PTPRM: variants seen among roughly 807,000 people sequenced by gnomAD.
PTPRM encodes receptor-type tyrosine-protein phosphatase mu.
PTPRM carries 47 observed loss-of-function variants against 186.7 expected under a neutral mutation model. The ratio of observed to expected loss-of-function variants is 0.25; its 90% confidence interval spans 0.20 to 0.32. The LOEUF is 0.32. PTPRM is among the 10% of genes least tolerant of loss of function. PTPRM has a pLI of 1.00. For missense variants in PTPRM, 1,494 were observed against 1,865.0 expected (o/e 0.80, Z 3.66); for synonymous variants, 668 against 674.9 (o/e 0.99, Z 0.16).
intron 1 of PTPRM, among the ~76,000 whole-genome samples, chr18:7,695,715 G>A (rs2144673909): frequency 6.6e-6 from 1 of 152,302 alleles, no homozygotes; most frequent in South Asian, 2.1e-4. Context: ...GAGTTAGCAG[G>A]AAGAGTGGCA....
intron 1 of PTPRM, among the ~76,000 whole-genome samples, chr18:7,632,300 T>A (rs2038210643): frequency 6.6e-6 from 1 of 152,196 alleles, no homozygotes; most frequent in East Asian, 1.9e-4. Context: ...TGTAAAGAAA[T>A]GATGTTATAT....
intron 2 of PTPRM, among the ~76,000 whole-genome samples, chr18:7,846,603 T>G (rs889660025): frequency 7.2e-5 from 11 of 152,216 alleles, no homozygotes; most frequent in Admixed American, 5.2e-4. Flanking sequence ...GGATTGTTAT[T>G]GGTTTGTGTT....
chr18:8,047,869 G>A (rs2087174735), intron 7 of PTPRM, among the ~76,000 whole-genome samples: 1 of 152,152 alleles, frequency 6.6e-6, no homozygotes, highest in Admixed American at 6.5e-5. Context: ...TGAGACCAAA[G>A]TTAATTTGGA....
intron 7 of PTPRM, among the ~76,000 whole-genome samples, chr18:7,984,604 C>T (rs374711228): frequency 0.029 from 2,473 of 86,764 alleles, 49 homozygotes; most frequent in African/African-American, 0.093. Context: ...TATATATATA[C>T]ACACACACAC....
intron 19 of PTPRM, among the ~76,000 whole-genome samples, chr18:8,295,909 A>C (rs2095091954): frequency 6.6e-6 from 1 of 152,238 alleles, no homozygotes; most frequent in Non-Finnish European, 1.5e-5. Context: ...GAAGTCATAA[A>C]GTCTCAGCTT....
At chr18:8,257,679 A>G (rs2094587054) in intron 19 of PTPRM, among the ~76,000 whole-genome samples, 1 of 152,200 alleles carries the variant, frequency 6.6e-6, no homozygotes, top group Non-Finnish European at 1.5e-5. Context: ...AATCTAAAGA[A>G]TGGCTCTGGT....
intron 14 of PTPRM, among the ~76,000 whole-genome samples, chr18:8,215,215 A>G (rs1337564402): frequency 1.3e-5 from 2 of 152,174 alleles, no homozygotes; most frequent in East Asian, 3.9e-4. Context: ...TCCACATAAT[A>G]CAATAAAGGT....
At chr18:7,647,939 G>A (rs942511142) in intron 1 of PTPRM, among the ~76,000 whole-genome samples, 2 of 152,114 alleles carry the variant, frequency 1.3e-5, no homozygotes, top group South Asian at 2.1e-4. Context: ...GGCTTACCTC[G>A]TTTTATTGTG....
intron 13 of PTPRM, among the ~76,000 whole-genome samples, chr18:8,122,613 G>A (rs748086528): frequency 2.0e-5 from 3 of 152,176 alleles, no homozygotes; most frequent in Non-Finnish European, 2.9e-5. Flanking sequence ...ACTTGAAATA[G>A]CAATAACATC....
chr18:8,122,899 T>A (rs1390132090), intron 13 of PTPRM, among the ~76,000 whole-genome samples: 1 of 152,178 alleles, frequency 6.6e-6, no homozygotes, highest in Non-Finnish European at 1.5e-5. Context: ...CAAAGCATAG[T>A]GTTTATATAA....
chr18:8,376,025 C>G, intron 24 of PTPRM, 21 bp from the exon 25 acceptor site: 1 of 1,594,928 alleles, frequency 6.3e-7, no homozygotes, highest in Non-Finnish European at 8.6e-7. Context: ...CTTCCTTGTT[C>G]TGGCTAACCA....
At chr18:8,197,252 G>A (rs1196267461) in intron 14 of PTPRM, among the ~76,000 whole-genome samples, 2 of 152,160 alleles carry the variant, frequency 1.3e-5, no homozygotes. Flanking sequence ...TTTAGGTAAG[G>A]ATGTTGCTAT....
rs534178363 is a variant in PTPRM, at chr18:7,958,207, CAA to C, written c.1132+2811_1132+2812del. Among the ~76,000 whole-genome samples, 68 of 115,248 alleles carry C rather than the reference CAA, an allele frequency of 5.9e-4. 2 individuals carry two copies. Among genetic ancestry groups the C allele is most frequent in the African/African-American group, 1.6e-3 (47 of 30,036 alleles). 75.6% of individuals were successfully genotyped at this position (115,248 alleles called of 152,430 possible). A position where few individuals can be genotyped will look rare whatever the true frequency, so the allele number is the denominator to read the frequency against. ...GATGTTAGTGCCTCACCATCCCCTGCAAAAAAAAAAAAAAAAAAATCCTAAAA... is the reference window on the plus strand; with the variant it reads ...GATGTTAGTGCCTCACCATCCCCTGCAAAAAAAAAAAAAAAAATCCTAAAA... On this transcript the variant is annotated intron_variant, in intron 7 of 32. Transcript: ENST00000580170.
chr18:7,892,819 T>C (rs1194667838), intron 3 of PTPRM, among the ~76,000 whole-genome samples: 1 of 152,176 alleles, frequency 6.6e-6, no homozygotes, highest in Non-Finnish European at 1.5e-5. Context: ...CTTCTTTCTG[T>C]GTCCTCACAC....
intron 1 of PTPRM, among the ~76,000 whole-genome samples, chr18:7,620,036 C>T (rs1399349149): frequency 6.6e-5 from 10 of 152,162 alleles, no homozygotes; most frequent in Non-Finnish European, 1.5e-4. Flanking sequence ...GTTACTGCAG[C>T]ATGACTTAGC....
chr18:8,086,020 T>A, intron 10 of PTPRM, 148 bp downstream of exon 10: 1 of 728,096 alleles, frequency 1.4e-6, no homozygotes, highest in Non-Finnish European at 2.3e-6. Context: ...CTCACAGCTT[T>A]AAATGAAGTA....
chr18:7,880,256 A>G (rs1228931483), intron 2 of PTPRM, among the ~76,000 whole-genome samples: 1 of 152,186 alleles, frequency 6.6e-6, no homozygotes, highest in Non-Finnish European at 1.5e-5. Flanking sequence ...AGAGAGTTTT[A>G]CTTCAGCTTC....
At chr18:8,129,382 C>T (rs2092448632) in intron 13 of PTPRM, among the ~76,000 whole-genome samples, 3 of 152,194 alleles carry the variant, frequency 2.0e-5, no homozygotes, top group Admixed American at 2.0e-4. Flanking sequence ...GAACTAGACA[C>T]ATAGTTGCTG....
chr18:7,818,867 G>A (rs1009988723), intron 2 of PTPRM, among the ~76,000 whole-genome samples: 1 of 152,216 alleles, frequency 6.6e-6, no homozygotes, highest in Non-Finnish European at 1.5e-5. Context: ...TCATGTTCCA[G>A]TAGAGCTGGA....
Sources: gnomAD v4.1 joint callset for allele counts (sites outside exome capture counted in the v4.1 genomes callset) on GRCh38, gnomAD v4.1.1 for gene constraint, MANE v1.5 for transcripts, NCBI Gene and HGNC (gene_info 2026-07-23, HGNC 2026-07-21) for gene names.